The following RPS18 variants were observed in gnomAD, a reference collection of about 807,000 sequenced individuals.
The protein encoded by RPS18 is ribosomal protein S18, also known as small ribosomal subunit protein uS13.
For missense variants in RPS18, 49 were observed against 200.8 expected, an observed-to-expected ratio of 0.24 and a Z score of 4.57; for synonymous variants, 64 against 70.9, an observed-to-expected ratio of 0.90 and a Z score of 0.49.
chr6:33,275,532 G>C (rs1163606165), intron 2 of RPS18: 5 of 485,868 alleles, frequency 1.0e-5, no homozygotes, highest in Non-Finnish European at 1.9e-5. Flanking sequence ...TGGCCAGGCT[G>C]GTTTTGAACT....
rs747805971 is a variant in RPS18, at chr6:33,275,786, A to G, written c.103-11A>G. ...TTCAACACTAATTCCGAAACCCCTC[A>G]CTTCATTCAGGGTGTGGGCCGAAGA... On this transcript the variant is annotated splice_polypyrimidine_tract_variant and intron_variant, in intron 2 of 5. Coordinates refer to ENST00000439602, the MANE Select transcript of RPS18 (RefSeq NM_022551.3). 6.3e-7 allele frequency: 1 copy of G among 1,582,472 alleles called. No individual in the cohort carries two copies. Among genetic ancestry groups the G allele is most frequent in the Non-Finnish European group, 8.7e-7 (1 of 1,152,578 alleles).
Position 33,272,128 on chromosome 6 carries a change from A to G in RPS18, c.3+6A>G, listed in dbSNP as rs465658. 0.15 allele frequency: 229,704 copies of G among 1,565,436 alleles called. 18,025 individuals carry two copies. Among genetic ancestry groups the G allele is most frequent in the South Asian group, 0.21 (17,815 of 85,140 alleles). ...CCGCTTGTGCTGCAGCCATGGTAAG[A>G]CTGGAATCCGTGCCGTGATCCAGCG... On this transcript the variant is annotated splice_donor_region_variant and intron_variant, in intron 1 of 5. Transcript: ENST00000439602.
At chr6:33,272,265 C>G (rs918676107) in intron 1 of RPS18, 143 bp downstream of exon 1, 1 of 905,320 alleles carries the variant, frequency 1.1e-6, no homozygotes. Flanking sequence ...GAAAGGGACA[C>G]CAAAGATTTC....
chr6:33,274,605 C>T (rs1051983485), intron 2 of RPS18, among the ~76,000 whole-genome samples: 1 of 152,180 alleles, frequency 6.6e-6, no homozygotes, highest in African/African-American at 2.4e-5. Flanking sequence ...CTTAAGAATC[C>T]TACCTTGCCT....
rs1765568339 is a variant in RPS18 at position 33,275,505 on chromosome 6, A to C, written c.103-292A>C. On this transcript the variant is annotated intron_variant, in intron 2 of 5. Coordinates refer to ENST00000439602, the MANE Select transcript of RPS18 (RefSeq NM_022551.3). ...AACTTTTCTTGTATTTTTAGTAGAG[A>C]CAGGGTTTCACCATGTTGGCCAGGC... The C allele has an allele frequency of 3.8e-5, 15 of 393,882 alleles. No homozygotes were observed. In the South Asian group the frequency reaches 4.1e-4, roughly 11 times the overall value. The allele number at this position is 393,882 out of a possible 1,614,324, so 24.4% of individuals were successfully genotyped here.
intron 1 of RPS18, chr6:33,272,381 G>A: frequency 1.7e-6 from 1 of 604,776 alleles, no homozygotes; most frequent in Non-Finnish European, 2.9e-6. Context: ...CGCACTTTTG[G>A]GAATGGGCAG....
intron 2 of RPS18, among the ~76,000 whole-genome samples, chr6:33,273,900 A>ATAAG (rs755485800): frequency 2.2e-4 from 34 of 151,898 alleles, no homozygotes; most frequent in Non-Finnish European, 4.6e-4. Context: ...CATTTAATTA[A>ATAAG]TAAATTTGAA....
chr6:33,275,398 A>C (rs926808537), intron 2 of RPS18: 7 of 201,898 alleles, frequency 3.5e-5, no homozygotes, highest in Admixed American at 1.1e-4. Context: ...GGCTTGCTGC[A>C]ACCTCCACCT....
chr6:33,272,116 A>T lies in RPS18; in HGVS notation c.-4A>T. The T allele has an allele frequency of 1.9e-6, 3 of 1,567,864 alleles. No homozygotes were observed. Among genetic ancestry groups the T allele is most frequent in the Non-Finnish European group, 1.7e-6 (2 of 1,156,186 alleles). ...GCCTACACGCCGCCGCTTGTGCTGC[A>T]GCCATGGTAAGACTGGAATCCGTGC... On this transcript the variant is annotated 5_prime_UTR_variant, in exon 1 of 6. Transcript: ENST00000439602.
At chr6:33,275,935 A>G in intron 3 of RPS18, 30 bp from the exon 4 acceptor site, 2 of 1,609,326 alleles carry the variant, frequency 1.2e-6, no homozygotes, top group Non-Finnish European at 1.7e-6. Context: ...AAAGGGGTCC[A>G]TCTAGATCTG....
At chr6:33,276,130 G>T (rs1435735764) in intron 4 of RPS18, 46 bp from the exon 5 acceptor site, 1 of 1,607,164 alleles carries the variant, frequency 6.2e-7, no homozygotes, top group Non-Finnish European at 8.5e-7. Context: ...ATTGGGCATA[G>T]GAGGTCAGGG....
At chr6:33,272,159 G>T in intron 1 of RPS18, 37 bp downstream of exon 1, 5 of 1,554,812 alleles carry the variant, frequency 3.2e-6, no homozygotes, top group Non-Finnish European at 4.4e-6. Context: ...CAGCGGCATC[G>T]CAGCTCGGGC....
chr6:33,272,501 G>T (rs758227971), intron 1 of RPS18, 127 bp from the exon 2 acceptor site: 1 of 729,816 alleles, frequency 1.4e-6, no homozygotes, highest in Non-Finnish European at 2.6e-6. Context: ...CCTAAGGAAT[G>T]GGGGGCGGGT....
intron 2 of RPS18, among the ~76,000 whole-genome samples, chr6:33,272,984 C>T (rs1290817775): frequency 1.3e-5 from 2 of 152,204 alleles, no homozygotes; most frequent in East Asian, 1.9e-4. Context: ...GGTATGGTTG[C>T]TCACCCGAAT....
In RPS18 at chr6:33,276,172, C is replaced by G. The variant is rs757867442; in HGVS notation, c.292-4C>G. On this transcript the variant is annotated splice_polypyrimidine_tract_variant and splice_region_variant and intron_variant, in intron 4 of 5. Coordinates refer to ENST00000439602, the MANE Select transcript of RPS18 (RefSeq NM_022551.3). ...ACATCCCTTGCCCCCTCCTCTGAAT[C>G]CAGGTCCTAGCCAATGGTCTGGACA... is the stretch of plus-strand genomic sequence containing the variant. 6.2e-7 allele frequency: 1 copy of G among 1,613,982 alleles called. No homozygotes were observed. The highest frequency in any genetic ancestry group is 1.7e-5 in the Admixed American group (1 of 60,024).
chr6:33,272,403 C>T (rs1045313687), intron 1 of RPS18: 3 of 605,532 alleles, frequency 5.0e-6, no homozygotes, highest in South Asian at 3.9e-5. Flanking sequence ...AGACCTGCTT[C>T]CTCTCTCCAG....
At position 33,273,891 on chromosome 6, in the gene RPS18, A is replaced by G. The variant is rs1171713109; in HGVS notation, c.102+1165A>G. 4.2e-5 allele frequency among the ~76,000 whole-genome samples: 4 copies of G among 94,202 alleles called. No individual in the cohort carries two copies. In the East Asian group the frequency reaches 1.6e-3, roughly 38 times the overall value. 61.8% of individuals were successfully genotyped at this position (94,202 alleles called of 152,430 possible). A position where few individuals can be genotyped will look rare whatever the true frequency, so the allele number is the denominator to read the frequency against. On this transcript the variant is annotated intron_variant, in intron 2 of 5. Coordinates refer to ENST00000439602, the MANE Select transcript of RPS18 (RefSeq NM_022551.3). ...CTGGTCAACATGGTGAAACCTCGTCATTTAATTAATAAATTTGAAAGACCC... is the reference window on the plus strand; with the variant it reads ...CTGGTCAACATGGTGAAACCTCGTCGTTTAATTAATAAATTTGAAAGACCC...
chr6:33,272,576 C>T (rs1221774569), intron 1 of RPS18, 52 bp from the exon 2 acceptor site: 3 of 853,476 alleles, frequency 3.5e-6, no homozygotes, highest in Non-Finnish European at 2.1e-6. Context: ...ATCGGCCTTA[C>T]TGTTTGATAG....
chr6:33,275,086 T>C (rs1190748586), intron 2 of RPS18, among the ~76,000 whole-genome samples: 1 of 152,170 alleles, frequency 6.6e-6, no homozygotes, highest in Non-Finnish European at 1.5e-5. Flanking sequence ...TTAGAGATTC[T>C]GAGGAACTGA....
Sources: gnomAD v4.1 joint callset for allele counts (sites outside exome capture counted in the v4.1 genomes callset) on GRCh38, gnomAD v4.1.1 for gene constraint, MANE v1.5 for transcripts, NCBI Gene and HGNC (gene_info 2026-07-23, HGNC 2026-07-21) for gene names.